The following MTSS1 variants were observed in gnomAD, a reference collection of about 807,000 sequenced individuals.
MTSS1 encodes MTSS I-BAR domain containing 1.
MTSS1 carries 18 observed loss-of-function variants against 79.0 expected under a neutral mutation model. The ratio of observed to expected loss-of-function variants is 0.23; its 90% confidence interval spans 0.16 to 0.34. The LOEUF is 0.34. MTSS1 is among the 10% of genes least tolerant of loss of function. The pLI is 1.00. For synonymous variants in MTSS1, 341 were observed against 368.6 expected (o/e 0.93, Z 0.86); for missense variants, 815 against 986.2 (o/e 0.83, Z 2.33).
intron 3 of MTSS1, among the ~76,000 whole-genome samples, chr8:124,664,845 A>G (rs1278913590): frequency 1.3e-5 from 2 of 152,222 alleles, no homozygotes; most frequent in African/African-American, 4.8e-5. Flanking sequence ...TGTTCACAGT[A>G]ACACTAGGAA....
chr8:124,642,820 T>C (rs1039105528), intron 3 of MTSS1, among the ~76,000 whole-genome samples: 1 of 152,214 alleles, frequency 6.6e-6, no homozygotes, highest in Non-Finnish European at 1.5e-5. Flanking sequence ...CTCGAACTCC[T>C]GACCTCAGGT....
chr8:124,564,616 A>T (rs1193441658), intron 9 of MTSS1: 2 of 152,006 alleles, frequency 1.3e-5, no homozygotes, highest in African/African-American at 4.8e-5. Context: ...TAAGGAAGAA[A>T]AAAACAGCCA....
In MTSS1 at chr8:124,556,491, G is replaced by T. The variant is rs1206806364; in HGVS notation, c.1231-86C>A. On this transcript the variant is annotated intron_variant, in intron 11 of 13. Coordinates refer to ENST00000518547, the MANE Select transcript of MTSS1 (RefSeq NM_014751.6). ...ACCCCATAGACAGCTCCCCAGAGAA[G>T]GCAGCTGGTCCCCTTAAGGGGAACC... 4.3e-6 allele frequency: 6 copies of T among 1,408,766 alleles called. No homozygotes were observed. The East Asian group carries it at 7.3e-5, about 17-fold the overall frequency. The allele number at this position is 1,408,766 out of a possible 1,614,324, so 87.3% of individuals were successfully genotyped here.
At chr8:124,599,347 G>A (rs1383686584) in intron 3 of MTSS1, among the ~76,000 whole-genome samples, 1 of 151,648 alleles carries the variant, frequency 6.6e-6, no homozygotes, top group African/African-American at 2.4e-5. Flanking sequence ...AGCCAGCACG[G>A]TGGTGGGTGC....
Position 124,715,647 on chromosome 8 carries a change from G to C in MTSS1, c.73-11456C>G, listed in dbSNP as rs76907617. ...GCCAGTAAAGAGTCAAAGGCCACCA[G>C]TGTCACAGTGATAACTGTGTTTGTC... On this transcript the variant is annotated intron_variant, in intron 1 of 13. Transcript: ENST00000518547. Among the ~76,000 whole-genome samples, 492 of 152,292 alleles carry C rather than the reference G, an allele frequency of 3.2e-3. 4 individuals are homozygous for C. Among genetic ancestry groups the C allele is most frequent in the African/African-American group, 0.011 (476 of 41,536 alleles).
rs558144465 is a variant in MTSS1, at chr8:124,716,024, A to C, written c.73-11833T>G. On this transcript the variant is annotated intron_variant, in intron 1 of 13. Coordinates refer to ENST00000518547, the MANE Select transcript of MTSS1 (RefSeq NM_014751.6). ...CTTTGATGACTCAATGTACGATGCC[A>C]ATCACCCTGACTGGGCCATGAATGG... Among the ~76,000 whole-genome samples the C allele has an allele frequency of 4.6e-5, 7 of 152,356 alleles. No individual in the cohort carries two copies. The South Asian group carries it at 1.2e-3, about 27-fold the overall frequency.
At chr8:124,592,524 T>C (rs760930779) in intron 3 of MTSS1, among the ~76,000 whole-genome samples, 1 of 152,238 alleles carries the variant, frequency 6.6e-6, no homozygotes, top group Non-Finnish European at 1.5e-5. Flanking sequence ...GTGACATTAC[T>C]ATGGGTTGGA....
intron 3 of MTSS1, among the ~76,000 whole-genome samples, chr8:124,620,484 G>A (rs372827214): frequency 1.3e-5 from 2 of 152,234 alleles, no homozygotes; most frequent in Non-Finnish European, 2.9e-5. Flanking sequence ...GCAAGGTCAC[G>A]GCATGCATTG....
chr8:124,657,253 G>A (rs914806103), intron 3 of MTSS1, among the ~76,000 whole-genome samples: 1 of 152,086 alleles, frequency 6.6e-6, no homozygotes, highest in African/African-American at 2.4e-5. Context: ...ACACAAAAAG[G>A]GGTTGGGCTG....
intron 3 of MTSS1, among the ~76,000 whole-genome samples, chr8:124,600,589 C>T (rs1341784326): frequency 6.6e-6 from 1 of 152,198 alleles, no homozygotes; most frequent in East Asian, 1.9e-4. Flanking sequence ...TAGCTATAAG[C>T]TGAGTCCTAC....
rs1347370328 is a variant in MTSS1 at position 124,555,623 on chromosome 8, A to G, written c.1567+119T>C. ...AAAGCATTCCCAGATGACGAAAACA[A>G]TCCTGACACCTGTTAGTTAGCGAGT... On this transcript the variant is annotated intron_variant, in intron 13 of 13. Coordinates refer to ENST00000518547, the MANE Select transcript of MTSS1 (RefSeq NM_014751.6). 6 of 1,246,200 alleles carry G rather than the reference A, an allele frequency of 4.8e-6. No individual in the cohort carries two copies. In the East Asian group the frequency reaches 7.7e-5, roughly 16 times the overall value. 77.2% of individuals were successfully genotyped at this position (1,246,200 alleles called of 1,614,324 possible).
intron 3 of MTSS1, among the ~76,000 whole-genome samples, chr8:124,612,149 G>A (rs995037279): frequency 5.3e-5 from 8 of 152,240 alleles, no homozygotes; most frequent in Admixed American, 2.0e-4. Flanking sequence ...TCCTACAGGG[G>A]TGACATTGGA....
chr8:124,556,379 G>C lies in MTSS1; in HGVS notation c.1257C>G (p.Asp419Glu). ...GCTGCAGGGTGTTCACCAGAGGCTG[G>C]TCATAGGGCCCAGGCTTAGCCCAGT... is the stretch of plus-strand genomic sequence containing the variant. ...WKDWAKPGPY[D>E]QPLVNTLQRR... Residue 419 changes from aspartate to glutamate, a missense_variant, in exon 12 of 14, where the codon GAC becomes GAG. Asp to Glu is a conservative substitution (Grantham distance 45, BLOSUM62 2). Around this residue, in one of 2 missense-constraint regions of MTSS1, gnomAD observed 590 missense variants for 620.8 expected, o/e 0.95. Transcript: ENST00000518547. The C allele has an allele frequency of 6.2e-7, 1 of 1,613,908 alleles. No homozygotes were observed. Among genetic ancestry groups the C allele is most frequent in the Non-Finnish European group, 8.5e-7 (1 of 1,179,890 alleles).
intron 3 of MTSS1, among the ~76,000 whole-genome samples, chr8:124,601,205 C>A (rs150481981): frequency 1.3e-5 from 2 of 151,664 alleles, no homozygotes; most frequent in African/African-American, 4.8e-5. Context: ...AGATTATAGG[C>A]GCCCACCACC....
intron 3 of MTSS1, among the ~76,000 whole-genome samples, chr8:124,689,125 T>C (rs1827511273): frequency 6.6e-6 from 1 of 152,212 alleles, no homozygotes; most frequent in South Asian, 2.1e-4. Context: ...ATTCTATAAC[T>C]ATTCCTTGAG....
intron 10 of MTSS1, chr8:124,558,082 G>A (rs1824408273): frequency 1.9e-6 from 1 of 518,618 alleles, no homozygotes; most frequent in Non-Finnish European, 3.4e-6. Context: ...GAGTTTGACA[G>A]CAAATAAGCA....
intron 6 of MTSS1, chr8:124,577,647 C>G (rs1041819188): frequency 3.9e-6 from 2 of 518,600 alleles, no homozygotes; most frequent in Middle Eastern, 3.2e-4. Flanking sequence ...CTGCTTCCAC[C>G]CAGACAGAAG....
At chr8:124,625,855 T>A (rs1485761244) in intron 3 of MTSS1, among the ~76,000 whole-genome samples, 1 of 152,164 alleles carries the variant, frequency 6.6e-6, no homozygotes. Flanking sequence ...ACAACACTGT[T>A]TTCATCCAAG....
chr8:124,615,622 AAAAAGTCCTGG>A (rs1836701595), intron 3 of MTSS1, among the ~76,000 whole-genome samples: 1 of 152,182 alleles, frequency 6.6e-6, no homozygotes, highest in Non-Finnish European at 1.5e-5. Context: ...TTGCAAGAGG[AAAAAGTCCTGG>A]AGATCTGTGG....
Sources: gnomAD v4.1 joint callset for allele counts (sites outside exome capture counted in the v4.1 genomes callset) on GRCh38, gnomAD v4.1.1 for gene constraint, gnomAD v4.1.1 regional missense constraint, MANE v1.5 for transcripts, NCBI Gene and HGNC (gene_info 2026-07-23, HGNC 2026-07-21) for gene names.